DYTN: variants seen among roughly 807,000 people sequenced by gnomAD.
DYTN encodes the protein dystrotelin.
DYTN carries 75 observed loss-of-function variants against 69.6 expected under a neutral mutation model. The observed-to-expected ratio is 1.08, with a 90% CI of 0.89 to 1.31. The LOEUF (loss-of-function observed/expected upper bound fraction) is 1.31. DYTN is among the 50% of genes most tolerant of loss of function. The probability of loss-of-function intolerance (pLI) is 0.00; values close to 1 mark genes in which losing one functional copy is unlikely to be tolerated. For missense variants in DYTN, 726 were observed against 688.4 expected (o/e 1.05, Z -0.61); for synonymous variants, 252 against 249.1 (o/e 1.01, Z -0.11).
chr2:206,685,143 C>CTTATTTATTTATTTAT (rs10673463), intron 9 of DYTN, among the ~76,000 whole-genome samples: 2 of 145,804 alleles, frequency 1.4e-5, no homozygotes, highest in Admixed American at 6.9e-5. Context: ...AGTAGCATGG[C>CTTATTTATTTATTTAT]TTATTTATTT....
intron 11 of DYTN, among the ~76,000 whole-genome samples, chr2:206,657,263 G>T (rs761862540): frequency 6.6e-6 from 1 of 152,022 alleles, no homozygotes; most frequent in African/African-American, 2.4e-5. Flanking sequence ...ATAGGCATGC[G>T]TCACCACACC....
intron 9 of DYTN, among the ~76,000 whole-genome samples, chr2:206,683,629 C>G (rs1232684720): frequency 1.3e-5 from 2 of 152,080 alleles, no homozygotes; most frequent in African/African-American, 2.4e-5. Context: ...CAGGCATGAG[C>G]CACCGCGCCC....
intron 9 of DYTN, among the ~76,000 whole-genome samples, chr2:206,692,964 A>G (rs1338473461): frequency 6.6e-6 from 1 of 152,228 alleles, no homozygotes. Context: ...AAACATCTGG[A>G]TGGGTCACCA....
In DYTN at chr2:206,685,986, GAA is replaced by G. The variant is rs34711985; in HGVS notation, c.980+7187_980+7188del. On this transcript the variant is annotated intron_variant, in intron 9 of 11. Coordinates refer to ENST00000452335, the MANE Select transcript of DYTN (RefSeq NM_001093730.1). ...AAAAGAACTACAGAAATAGAGTGCG[GAA>G]AAAAAAAAAAAAAGCTACACATTTC... is the stretch of plus-strand genomic sequence containing the variant. 1.2e-3 allele frequency among the ~76,000 whole-genome samples: 159 copies of G among 137,916 alleles called. 1 individual carries two copies. The highest frequency in any genetic ancestry group is 3.2e-3 in the African/African-American group (124 of 38,188). The allele number at this position is 137,916 out of a possible 152,430, so 90.5% of individuals were successfully genotyped here. A position where few individuals can be genotyped will look rare whatever the true frequency, so the allele number is the denominator to read the frequency against.
chr2:206,716,430 T>A (rs890661284), intron 1 of DYTN, among the ~76,000 whole-genome samples: 1 of 152,206 alleles, frequency 6.6e-6, no homozygotes, highest in Non-Finnish European at 1.5e-5. Flanking sequence ...TCAGGTGAAG[T>A]GGACTGTGCC....
rs1337169005 is a variant in DYTN, at chr2:206,664,499, A to G, written c.1141-1104T>C. On this transcript the variant is annotated intron_variant, in intron 10 of 11. Coordinates refer to ENST00000452335, the MANE Select transcript of DYTN (RefSeq NM_001093730.1). ...TAGTGAGACCCCCTCCCTACAAAAA[A>G]TAAAAATAAAAATTAGCTGGGTGTG... 2.0e-5 allele frequency among the ~76,000 whole-genome samples: 3 copies of G among 152,172 alleles called. No individual in the cohort carries two copies. The East Asian group carries it at 5.8e-4, about 29-fold the overall frequency.
Position 206,710,516 on chromosome 2 carries a change from AT to A in DYTN, c.94+7del, listed in dbSNP as rs1339250790. On this transcript the variant is annotated splice_region_variant and intron_variant, in intron 2 of 11. Coordinates refer to ENST00000452335, the MANE Select transcript of DYTN (RefSeq NM_001093730.1). ...TATTTCAAATATTTCAGGAGAGCCT[AT>A]ACTTACACTGGCACAGAGTTTGCAC... is the stretch of plus-strand genomic sequence containing the variant. 1.2e-6 allele frequency: 2 copies of A among 1,607,780 alleles called. No individual in the cohort carries two copies. The highest frequency in any genetic ancestry group is 3.4e-5 in the Admixed American group (2 of 58,802).
intron 2 of DYTN, among the ~76,000 whole-genome samples, chr2:206,709,758 T>G (rs1434600089): frequency 6.6e-6 from 1 of 152,228 alleles, no homozygotes; most frequent in Non-Finnish European, 1.5e-5. Context: ...ATGATAAATT[T>G]CAGAAATCAT....
rs768383548 is a variant in DYTN, at chr2:206,710,524, A to G, written c.94T>C (p.Leu32=). 6.2e-7 allele frequency: 1 copy of G among 1,610,020 alleles called. No homozygotes were observed. Among genetic ancestry groups the G allele is most frequent in the Non-Finnish European group, 8.5e-7 (1 of 1,178,356 alleles). The change falls in exon 2 of 12, where the codon TTG becomes CTG. Residue 32 remains leucine (L), a splice_region_variant and synonymous_variant. Transcript: ENST00000452335. ...ATATTTCAGGAGAGCCTATACTTAC[A>G]CTGGCACAGAGTTTGCACTGATTGT... The part of the protein sequence containing the change: ...KLQSVQTLCQ[L]DLIDSSLIQQ...
At chr2:206,663,842 C>A (rs542756900) in intron 10 of DYTN, among the ~76,000 whole-genome samples, 2 of 152,304 alleles carry the variant, frequency 1.3e-5, no homozygotes, top group South Asian at 4.1e-4. Context: ...AAGCACAGTT[C>A]TCATTGTGTG....
chr2:206,676,301 C>A (rs1368845972), intron 9 of DYTN, among the ~76,000 whole-genome samples: 1 of 152,016 alleles, frequency 6.6e-6, no homozygotes, highest in African/African-American at 2.4e-5. Flanking sequence ...AGCTAGAAAC[C>A]ATCATCCACA....
intron 1 of DYTN, among the ~76,000 whole-genome samples, chr2:206,717,972 A>T (rs149545769): frequency 1.3e-5 from 2 of 152,350 alleles, no homozygotes; most frequent in African/African-American, 4.8e-5. Context: ...AACTAAGGTA[A>T]TAGTTTCTGT....
At chr2:206,711,953 G>T (rs2105902882) in intron 1 of DYTN, among the ~76,000 whole-genome samples, 1 of 152,102 alleles carries the variant, frequency 6.6e-6, no homozygotes, top group East Asian at 1.9e-4. Context: ...TTCATATCTA[G>T]AAAAAATAAC....
chr2:206,665,594 T>A (rs893752469), intron 10 of DYTN, among the ~76,000 whole-genome samples: 2 of 152,174 alleles, frequency 1.3e-5, no homozygotes, highest in Non-Finnish European at 1.5e-5. Context: ...ACAGGGATCC[T>A]GAGATCAAAA....
Position 206,665,996 on chromosome 2 carries a change from G to C in DYTN, c.1014C>G (p.Asp338Glu). The change falls in exon 10 of 12, where the codon GAC (aspartate) becomes GAG (glutamate). Residue 338 changes from aspartate (D) to glutamate (E), a missense_variant. Physicochemically the swap from Asp to Glu is conservative, Grantham distance 45. Transcript: ENST00000452335. ...LLKKQLNQYKDKLQAIYTSQE... is the reference protein window; with the variant it reads ...LLKKQLNQYKEKLQAIYTSQE... ...GGGAGGTGTATATAGCTTGCAACTT[G>C]TCTTTGTATTGGTTTAACTGTTTTT... 2.5e-6 allele frequency: 4 copies of C among 1,613,878 alleles called. No individual in the cohort carries two copies. The highest frequency in any genetic ancestry group is 1.3e-5 in the African/African-American group (1 of 75,028).
intron 9 of DYTN, among the ~76,000 whole-genome samples, chr2:206,675,145 G>GTGTGTGTGTA (rs1415225495): frequency 4.2e-5 from 5 of 120,428 alleles, no homozygotes; most frequent in African/African-American, 6.7e-5. Context: ...GTGTGTGTGT[G>GTGTGTGTGTA]TATATATGTG....
At chr2:206,655,578 T>C (rs1699438548) in intron 11 of DYTN, among the ~76,000 whole-genome samples, 1 of 147,962 alleles carries the variant, frequency 6.8e-6, no homozygotes, top group African/African-American at 2.5e-5. Flanking sequence ...TCCAGCTAAT[T>C]AAAAAAAAAT....
chr2:206,701,569 A>T (rs1418352014), intron 5 of DYTN, among the ~76,000 whole-genome samples: 1 of 152,228 alleles, frequency 6.6e-6, no homozygotes, highest in South Asian at 2.1e-4. Context: ...TCGCACTTAC[A>T]TGTGGAATCT....
chr2:206,669,306 C>T (rs953465704), intron 9 of DYTN, among the ~76,000 whole-genome samples: 5 of 152,170 alleles, frequency 3.3e-5, no homozygotes, highest in African/African-American at 9.7e-5. Context: ...TTATTAACTG[C>T]CTCACTATTC....
Sources: gnomAD v4.1 joint callset for allele counts (sites outside exome capture counted in the v4.1 genomes callset) on GRCh38, gnomAD v4.1.1 for gene constraint, MANE v1.5 for transcripts, NCBI Gene and HGNC (gene_info 2026-07-23, HGNC 2026-07-21) for gene names.